The following TRPM3 variants were observed in gnomAD, a reference collection of about 807,000 sequenced individuals.
TRPM3 encodes long transient receptor potential channel 3.
TRPM3 carries 77 observed loss-of-function variants against 181.2 expected under a neutral mutation model. The observed-to-expected ratio is 0.42, with a 90% CI of 0.35 to 0.51. The LOEUF (loss-of-function observed/expected upper bound fraction) is 0.51. Ranked by LOEUF, TRPM3 falls within the 20% of genes least tolerant of loss-of-function variation. TRPM3 has a pLI of 0.01. For missense variants in TRPM3, 1,759 were observed against 2,196.7 expected, an observed-to-expected ratio of 0.80 and a Z score of 3.98; for synonymous variants, 745 against 796.4, an observed-to-expected ratio of 0.94 and a Z score of 1.09.
intron 7 of TRPM3, among the ~76,000 whole-genome samples, chr9:70,771,046 C>T (rs1204843455): frequency 1.3e-5 from 2 of 152,150 alleles, no homozygotes; most frequent in African/African-American, 4.8e-5. Context: ...GCTCTTGGAT[C>T]ATATTCATCA....
chr9:70,901,177 C>T (rs1354985483), intron 1 of TRPM3, among the ~76,000 whole-genome samples: 1 of 152,176 alleles, frequency 6.6e-6, no homozygotes, highest in African/African-American at 2.4e-5. Flanking sequence ...AAAATGCATA[C>T]AGTAATGACC....
At chr9:70,979,264 G>A (rs190302899) in intron 1 of TRPM3, among the ~76,000 whole-genome samples, 23 of 152,206 alleles carry the variant, frequency 1.5e-4, no homozygotes, top group African/African-American at 4.1e-4. Flanking sequence ...CATGGGGCGC[G>A]GAGATTTCAT....
chr9:71,066,996 T>C (rs958250019), intron 1 of TRPM3, among the ~76,000 whole-genome samples: 4 of 152,208 alleles, frequency 2.6e-5, no homozygotes, highest in Admixed American at 2.6e-4. Flanking sequence ...CTATTGATTT[T>C]AGGGTTAGTG....
At chr9:71,206,260 G>T (rs1386444176) in intron 1 of TRPM3, among the ~76,000 whole-genome samples, 1 of 152,100 alleles carries the variant, frequency 6.6e-6, no homozygotes, top group Non-Finnish European at 1.5e-5. Context: ...AGTATCTGTT[G>T]TTTCCTGACA....
At chr9:70,575,144 G>A (rs2053607566) in intron 22 of TRPM3, among the ~76,000 whole-genome samples, 3 of 142,516 alleles carry the variant, frequency 2.1e-5, no homozygotes, top group African/African-American at 7.9e-5. Context: ...CAGGGTCTTC[G>A]TATATTTCCA....
chr9:71,368,009 TGTATGTGTACACACACACATATGA>T (rs1442593805), intron 1 of TRPM3, among the ~76,000 whole-genome samples: 10 of 151,490 alleles, frequency 6.6e-5, no homozygotes, highest in African/African-American at 1.9e-4. Flanking sequence ...CACATGTGAG[TGTATGTGTACACACACACATATGA>T]GTATGTGTAC....
intron 8 of TRPM3, among the ~76,000 whole-genome samples, chr9:70,687,644 C>T (rs544861213): frequency 5.3e-5 from 8 of 152,296 alleles, no homozygotes; most frequent in African/African-American, 9.6e-5. Context: ...AATTTTGATT[C>T]TCACGTTGAA....
At chr9:70,962,141 C>T (rs1030977158) in intron 1 of TRPM3, among the ~76,000 whole-genome samples, 1 of 152,016 alleles carries the variant, frequency 6.6e-6, no homozygotes, top group African/African-American at 2.4e-5. Flanking sequence ...ACTGATTTAG[C>T]CTTTAAACTT....
At chr9:70,560,027 A>G (rs971038567) in intron 22 of TRPM3, among the ~76,000 whole-genome samples, 1 of 152,200 alleles carries the variant, frequency 6.6e-6, no homozygotes, top group African/African-American at 2.4e-5. Flanking sequence ...GGGATCGTCA[A>G]AAGTGAAGGA....
chr9:70,896,069 A>T (rs887293425), intron 1 of TRPM3, among the ~76,000 whole-genome samples: 1 of 152,216 alleles, frequency 6.6e-6, no homozygotes, highest in Non-Finnish European at 1.5e-5. Flanking sequence ...CACAAGACAG[A>T]TCATTAGAGA....
intron 25 of TRPM3, among the ~76,000 whole-genome samples, chr9:70,545,544 C>CTT (rs1331656200): frequency 6.1e-4 from 16 of 26,124 alleles, no homozygotes; most frequent in Admixed American, 4.0e-3. Flanking sequence ...TTTTAATTTT[C>CTT]TTTCTTTTTT....
intron 1 of TRPM3, among the ~76,000 whole-genome samples, chr9:70,884,935 T>C (rs1196922891): frequency 6.6e-6 from 1 of 152,160 alleles, no homozygotes; most frequent in East Asian, 1.9e-4. Context: ...TCAACTTGTT[T>C]ATAAAAATCA....
chr9:70,875,530 C>A (rs2095855659), intron 1 of TRPM3, among the ~76,000 whole-genome samples: 1 of 151,848 alleles, frequency 6.6e-6, no homozygotes, highest in Non-Finnish European at 1.5e-5. Context: ...CCTGGTTGAA[C>A]AATTTGGCAC....
At chr9:70,797,341 T>C (rs1322026911) in intron 6 of TRPM3, among the ~76,000 whole-genome samples, 2 of 152,208 alleles carry the variant, frequency 1.3e-5, no homozygotes, top group African/African-American at 4.8e-5. Flanking sequence ...CTGAGATTAC[T>C]TCCTACCTGA....
intron 1 of TRPM3, among the ~76,000 whole-genome samples, chr9:71,402,961 A>C (rs561540155): frequency 6.6e-6 from 1 of 152,332 alleles, no homozygotes; most frequent in South Asian, 2.1e-4. Context: ...AGTTATAAAG[A>C]GATGACAAAG....
At chr9:70,598,361 T>C (rs2059362317) in intron 21 of TRPM3, 58 bp downstream of exon 21, 1 of 1,585,226 alleles carries the variant, frequency 6.3e-7, no homozygotes, top group Non-Finnish European at 8.6e-7. Context: ...TCCCTCTATC[T>C]ATTATCACCA....
chr9:70,813,259 C>T (rs533778652), intron 6 of TRPM3, among the ~76,000 whole-genome samples: 4 of 152,224 alleles, frequency 2.6e-5, no homozygotes, highest in South Asian at 2.1e-4. Flanking sequence ...GGAATCAACC[C>T]GGGTGCTCAT....
intron 1 of TRPM3, among the ~76,000 whole-genome samples, chr9:71,157,296 TTAAA>T (rs1329707225): frequency 1.3e-5 from 2 of 152,154 alleles, no homozygotes; most frequent in Non-Finnish European, 2.9e-5. Flanking sequence ...TCTCACAACT[TTAAA>T]AAAGTCAGAA....
chr9:71,264,572 G>A (rs374157006), intron 1 of TRPM3, among the ~76,000 whole-genome samples: 44 of 152,250 alleles, frequency 2.9e-4, no homozygotes, highest in African/African-American at 8.2e-4. Context: ...ATACAAGCAC[G>A]AAAGCTTCTA....
Sources: allele counts gnomAD v4.1 joint callset (sites outside exome capture counted in the v4.1 genomes callset), GRCh38; gene constraint gnomAD v4.1.1; transcripts MANE v1.5; gene names NCBI Gene and HGNC (gene_info 2026-07-23, HGNC 2026-07-21).